Variants in SPRY3 observed in about 807,000 individuals in gnomAD.
The protein encoded by SPRY3 is protein sprouty homolog 3.
A neutral mutation model predicts 20.2 loss-of-function variants in SPRY3; 15 were observed. The observed-to-expected ratio is 0.74, with a 90% confidence interval of 0.50 to 1.14. The LOEUF (loss-of-function observed/expected upper bound fraction) is 1.14. Among genes scored for constraint, SPRY3 ranks in the 50% most tolerant of loss-of-function variants. The probability of loss-of-function intolerance (pLI) is 0.00; values close to 1 mark genes in which losing one functional copy is unlikely to be tolerated. For synonymous variants in SPRY3, 143 were observed against 136.5 expected (o/e 1.05, Z -0.33); for missense variants, 364 against 363.9 (o/e 1.00, Z 0.00).
intron 2 of SPRY3, among the ~76,000 whole-genome samples, chrX:155,765,580 T>C (rs1216334211): frequency 1.3e-5 from 2 of 152,162 alleles, no homozygotes; most frequent in Non-Finnish European, 2.9e-5. Context: ...GAGTGGCCCA[T>C]AGCAGGCATG....
intron 2 of SPRY3, among the ~76,000 whole-genome samples, chrX:155,667,734 G>C (rs1414036636): frequency 9.0e-6 from 1 of 110,976 alleles, no homozygotes; most frequent in Non-Finnish European, 1.9e-5. Context: ...AAGGACTTGT[G>C]TTCAGAATAT....
At chrX:155,773,307 G>GTTTTATAT (rs4013148) in intron 3 of SPRY3, among the ~76,000 whole-genome samples, 126 of 120,712 alleles carry the variant, frequency 1.0e-3, no homozygotes, top group South Asian at 6.7e-3. Flanking sequence ...ATTTTGATTG[G>GTTTTATAT]ATATATATAT....
At chrX:155,623,316 A>G (rs1419043689) in intron 1 of SPRY3, among the ~76,000 whole-genome samples, 1 of 111,940 alleles carries the variant, frequency 8.9e-6, no homozygotes, top group African/African-American at 3.2e-5. Flanking sequence ...ATTTTCCTGA[A>G]TTACAGTGTC....
intron 2 of SPRY3, among the ~76,000 whole-genome samples, chrX:155,723,091 G>C (rs1437515509): frequency 2.0e-5 from 3 of 152,050 alleles, no homozygotes; most frequent in Admixed American, 6.6e-5. Context: ...CTTCATCCAC[G>C]TCCCTGAAAA....
chrX:155,709,216 T>C (rs1173607303), intron 2 of SPRY3, among the ~76,000 whole-genome samples: 1 of 151,700 alleles, frequency 6.6e-6, no homozygotes, highest in Non-Finnish European at 1.5e-5. Flanking sequence ...GTATGGTAGC[T>C]CTATTTTTAG....
At chrX:155,772,239 G>C (rs183225873) in intron 3 of SPRY3, among the ~76,000 whole-genome samples, 2 of 152,276 alleles carry the variant, frequency 1.3e-5, no homozygotes, top group Non-Finnish European at 2.9e-5. Flanking sequence ...TGTAAATTCA[G>C]CTTATCAGGT....
At chrX:155,722,755 A>C (rs1467007651) in intron 2 of SPRY3, among the ~76,000 whole-genome samples, 1 of 152,092 alleles carries the variant, frequency 6.6e-6, no homozygotes, top group Middle Eastern at 3.2e-3. Context: ...AAAAAGTAAT[A>C]TCCTTTGATC....
At chrX:155,623,649 A>T (rs1423326861) in intron 1 of SPRY3, among the ~76,000 whole-genome samples, 2 of 111,573 alleles carry the variant, frequency 1.8e-5, no homozygotes, top group African/African-American at 6.5e-5. Context: ...CTCGCCCTGA[A>T]TTTTTCATGT....
chrX:155,734,218 G>A (rs1273746121), intron 2 of SPRY3, among the ~76,000 whole-genome samples: 1 of 152,016 alleles, frequency 6.6e-6, no homozygotes, highest in Non-Finnish European at 1.5e-5. Context: ...TTAAAGGAGA[G>A]ACATGTAACT....
At chrX:155,638,165 G>C (rs1313998208) in intron 1 of SPRY3, among the ~76,000 whole-genome samples, 1 of 102,883 alleles carries the variant, frequency 9.7e-6, no homozygotes, top group Non-Finnish European at 2.0e-5. Flanking sequence ...TTATTGAAAA[G>C]ATCACCCAGC....
intron 2 of SPRY3, among the ~76,000 whole-genome samples, chrX:155,726,520 A>G (rs2091098582): frequency 6.6e-6 from 1 of 152,156 alleles, no homozygotes; most frequent in African/African-American, 2.4e-5. Flanking sequence ...GGGTGCATAT[A>G]TATTTAGGAT....
intron 2 of SPRY3, among the ~76,000 whole-genome samples, chrX:155,736,866 G>A (rs1384075850): frequency 6.6e-6 from 1 of 151,812 alleles, no homozygotes; most frequent in African/African-American, 2.4e-5. Flanking sequence ...CACAGTTCTT[G>A]AATATTCTAT....
chrX:155,697,607 G>C (rs772723702), intron 2 of SPRY3, among the ~76,000 whole-genome samples: 17 of 108,783 alleles, frequency 1.6e-4, no homozygotes, highest in Non-Finnish European at 2.9e-4. Flanking sequence ...ACTTAGAATA[G>C]TGCCTGGTTG....
Position 155,771,515 on chromosome X carries a change from A to G in SPRY3, c.-106-2251A>G, listed in dbSNP as rs753236689. On this transcript the variant is annotated intron_variant, in intron 3 of 3. Transcript: ENST00000675360. Reference sequence around the variant, plus strand: ...TTAGTCTAAACTGCATTCAGCATGTATATTATTGTTCTTACAGTACAAAGG... The same window carrying G: ...TTAGTCTAAACTGCATTCAGCATGTGTATTATTGTTCTTACAGTACAAAGG... Among the ~76,000 whole-genome samples the G allele has an allele frequency of 6.6e-5, 10 of 152,292 alleles. No homozygotes were observed. In the South Asian group the frequency reaches 2.1e-3, roughly 32 times the overall value.
chrX:155,658,967 A>G lies in SPRY3; in HGVS notation c.-282+1942A>G, dbSNP rs781979316. Among the ~76,000 whole-genome samples, 12 of 111,574 alleles carry G rather than the reference A, an allele frequency of 1.1e-4. No homozygotes were observed. In the South Asian group the frequency reaches 4.2e-3, roughly 39 times the overall value. ...ATATGGTTATTGTTTTTAATTCTAT[A>G]TATGTGGTGAATCACATTTATTAAT... On this transcript the variant is annotated intron_variant, in intron 2 of 3. Transcript: ENST00000675360.
At chrX:155,672,958 C>T (rs1399501070) in intron 2 of SPRY3, among the ~76,000 whole-genome samples, 1 of 103,369 alleles carries the variant, frequency 9.7e-6, no homozygotes, top group Non-Finnish European at 2.0e-5. Flanking sequence ...AGTAAACTAT[C>T]GCAAGGACAA....
rs1443485273 is a variant in SPRY3, at chrX:155,692,006, T to C, written c.-282+34981T>C. Among the ~76,000 whole-genome samples, 2 of 59,890 alleles carry C rather than the reference T, an allele frequency of 3.3e-5. 1 individual carries two copies. Among genetic ancestry groups the C allele is most frequent in the Non-Finnish European group, 5.9e-5 (2 of 33,945 alleles). The allele number at this position is 59,890 out of a possible 115,157, so 52.0% of individuals were successfully genotyped here. Reference sequence around the variant, plus strand: ...TTCCCAAATAGTAAGTGTATTTTTGTACCCTTTTTGTTAAGTGAAATAAGC... The same window carrying C: ...TTCCCAAATAGTAAGTGTATTTTTGCACCCTTTTTGTTAAGTGAAATAAGC... On this transcript the variant is annotated intron_variant, in intron 2 of 3. Coordinates refer to ENST00000675360, the Ensembl canonical transcript of SPRY3.
intron 2 of SPRY3, among the ~76,000 whole-genome samples, chrX:155,706,271 C>G (rs1269780816): frequency 6.6e-6 from 1 of 151,010 alleles, no homozygotes; most frequent in African/African-American, 2.4e-5. Flanking sequence ...ACCCAATGAT[C>G]AGAGAAGAAA....
At chrX:155,709,304 C>T (rs932732398) in intron 2 of SPRY3, among the ~76,000 whole-genome samples, 15 of 151,718 alleles carry the variant, frequency 9.9e-5, no homozygotes, top group Admixed American at 9.2e-4. Context: ...ATAAAGGTTC[C>T]CTTTTCTCCA....
Sources: gnomAD v4.1 joint callset for allele counts (sites outside exome capture counted in the v4.1 genomes callset) on GRCh38, gnomAD v4.1.1 for gene constraint, MANE v1.5 for transcripts, NCBI Gene and HGNC (gene_info 2026-07-23, HGNC 2026-07-21) for gene names.